The following TAB2 variants were observed in gnomAD, a reference collection of about 807,000 sequenced individuals.
TAB2 encodes the protein TGF-beta activated kinase 1 (MAP3K7) binding protein 2.
TAB2 carries 3 observed loss-of-function variants against 65.0 expected under a neutral mutation model. That is an observed-to-expected ratio of 0.05 (90% CI 0.02 to 0.12). The LOEUF is 0.12. Among genes scored for constraint, TAB2 ranks in the 10% least tolerant of loss-of-function variants. The pLI is 1.00. For synonymous variants in TAB2, 298 were observed against 285.1 expected, an observed-to-expected ratio of 1.05 and a Z score of -0.46; for missense variants, 623 against 840.3, an observed-to-expected ratio of 0.74 and a Z score of 3.20.
intron 2 of TAB2, among the ~76,000 whole-genome samples, chr6:149,373,546 A>G (rs1186622673): frequency 6.6e-6 from 1 of 152,214 alleles, no homozygotes; most frequent in Non-Finnish European, 1.5e-5. Flanking sequence ...CTCCTTGCTA[A>G]TGAATGCTCA....
intron 3 of TAB2, among the ~76,000 whole-genome samples, 178 bp from the exon 4 acceptor site, chr6:149,397,426 A>G (rs1782209606): frequency 6.6e-6 from 1 of 151,932 alleles, no homozygotes; most frequent in African/African-American, 2.4e-5. Flanking sequence ...GAGCAACAAG[A>G]GTAAAACTCT....
At chr6:149,221,661 C>T (rs780803563) in intron 1 of TAB2, among the ~76,000 whole-genome samples, 6 of 152,126 alleles carry the variant, frequency 3.9e-5, no homozygotes, top group Non-Finnish European at 5.9e-5. Context: ...CTTAACTCGC[C>T]AGGTAAAAGT....
At chr6:149,268,047 A>T (rs1285410380) in intron 1 of TAB2, among the ~76,000 whole-genome samples, 1 of 152,172 alleles carries the variant, frequency 6.6e-6, no homozygotes, top group African/African-American at 2.4e-5. Context: ...AAATATTAAT[A>T]CCTCTTAGCC....
upstream of TAB2, among the ~76,000 whole-genome samples, chr6:149,313,084 C>A (rs1366292848): frequency 6.6e-6 from 1 of 152,128 alleles, no homozygotes; most frequent in Non-Finnish European, 1.5e-5. Context: ...TTTAACCTTA[C>A]AGTTCCATCA....
chr6:149,307,958 T>C (rs1444049521), intron 1 of TAB2, among the ~76,000 whole-genome samples: 1 of 152,194 alleles, frequency 6.6e-6, no homozygotes, highest in Admixed American at 6.5e-5. Flanking sequence ...ATTTTTAAAA[T>C]GGGATCATAG....
intron 1 of TAB2, among the ~76,000 whole-genome samples, chr6:149,359,087 C>A (rs1354262432): frequency 1.3e-5 from 2 of 151,878 alleles, no homozygotes; most frequent in Non-Finnish European, 2.9e-5. Context: ...AGGTTCTGTT[C>A]TCTTACATTC....
At chr6:149,250,347 C>A (rs925515454) in intron 1 of TAB2, among the ~76,000 whole-genome samples, 4 of 151,878 alleles carry the variant, frequency 2.6e-5, no homozygotes, top group Non-Finnish European at 4.4e-5. Flanking sequence ...CTCTTGTCAC[C>A]CAGGCTATAA....
At chr6:149,366,435 C>G (rs1003868978) in intron 1 of TAB2, among the ~76,000 whole-genome samples, 4 of 152,128 alleles carry the variant, frequency 2.6e-5, no homozygotes, top group Non-Finnish European at 4.4e-5. Flanking sequence ...CTGTGATTTA[C>G]TCACTAAGCT....
At chr6:149,308,885 T>A (rs1334454139) in intron 1 of TAB2, among the ~76,000 whole-genome samples, 1 of 152,152 alleles carries the variant, frequency 6.6e-6, no homozygotes, top group African/African-American at 2.4e-5. Flanking sequence ...TTAGGATTTT[T>A]AATAACCTTT....
At chr6:149,246,101 T>A (rs1401192146) in intron 1 of TAB2, 1 of 152,178 alleles carries the variant, frequency 6.6e-6, no homozygotes, top group East Asian at 1.9e-4. Context: ...ATATTTTTAG[T>A]GGAGACAGGG....
intron 1 of TAB2, among the ~76,000 whole-genome samples, chr6:149,277,543 T>C (rs558110464): frequency 6.6e-6 from 1 of 152,172 alleles, no homozygotes; most frequent in African/African-American, 2.4e-5. Context: ...GATTACCAAT[T>C]GGGGATGAGA....
At chr6:149,229,541 T>G (rs757844408) in intron 1 of TAB2, among the ~76,000 whole-genome samples, 7 of 152,114 alleles carry the variant, frequency 4.6e-5, no homozygotes, top group Non-Finnish European at 1.0e-4. Context: ...ACCTACACTG[T>G]GCAGAATGAG....
chr6:149,349,915 ACATACATGCATGCATT>A (rs1471257146), intron 1 of TAB2, among the ~76,000 whole-genome samples: 5 of 151,338 alleles, frequency 3.3e-5, no homozygotes, highest in African/African-American at 1.2e-4. Context: ...TTGGGAACTA[ACATACATGCATGCATT>A]CATTCATTCA....
intron 1 of TAB2, among the ~76,000 whole-genome samples, chr6:149,324,724 TTTG>T (rs1187598760): frequency 1.3e-5 from 2 of 152,174 alleles, no homozygotes; most frequent in Non-Finnish European, 2.9e-5. Flanking sequence ...CCAAGCAACT[TTTG>T]TTTAGTCAGA....
At chr6:149,304,854 C>G (rs1172660972) in intron 1 of TAB2, among the ~76,000 whole-genome samples, 3 of 152,254 alleles carry the variant, frequency 2.0e-5, no homozygotes, top group African/African-American at 4.8e-5. Flanking sequence ...CTCAAATGCT[C>G]AAGTCCCTTA....
chr6:149,392,730 G>T (rs1782032639), intron 3 of TAB2, among the ~76,000 whole-genome samples: 1 of 152,080 alleles, frequency 6.6e-6, no homozygotes, highest in Non-Finnish European at 1.5e-5. Flanking sequence ...CTTAATTGTT[G>T]GTGGATTGTA....
intron 1 of TAB2, among the ~76,000 whole-genome samples, chr6:149,282,156 ACT>A (rs1018290003): frequency 3.7e-5 from 5 of 134,762 alleles, no homozygotes; most frequent in African/African-American, 5.4e-5. Context: ...GCTGAGCAAG[ACT>A]CTGTCAAAAA....
intron 1 of TAB2, among the ~76,000 whole-genome samples, chr6:149,283,767 T>C (rs900842380): frequency 1.3e-5 from 2 of 151,880 alleles, no homozygotes; most frequent in Non-Finnish European, 2.9e-5. Context: ...CAAGGAGAAG[T>C]GGTGACTTTT....
intron 1 of TAB2, among the ~76,000 whole-genome samples, chr6:149,326,736 C>T (rs1310914198): frequency 1.3e-5 from 2 of 152,052 alleles, no homozygotes; most frequent in Non-Finnish European, 2.9e-5. Flanking sequence ...TTAGTAAAGA[C>T]AGGGTTTCAC....
Sources: gnomAD v4.1 joint callset for allele counts (sites outside exome capture counted in the v4.1 genomes callset) on GRCh38, gnomAD v4.1.1 for gene constraint, MANE v1.5 for transcripts, NCBI Gene and HGNC (gene_info 2026-07-23, HGNC 2026-07-21) for gene names.